GOLM1: variants seen among roughly 807,000 people sequenced by gnomAD.
GOLM1 encodes the protein epididymis luminal protein 46.
A neutral mutation model predicts 50.5 loss-of-function variants in GOLM1; 31 were observed. The observed-to-expected ratio is 0.61, with a 90% CI of 0.46 to 0.83. The LOEUF (loss-of-function observed/expected upper bound fraction) is 0.83, where lower values mean the gene tolerates loss of function less well. Ranked by LOEUF, GOLM1 falls within the 40% of genes least tolerant of loss-of-function variation. The pLI is 0.00. For missense variants in GOLM1, 491 were observed against 501.3 expected (o/e 0.98, Z 0.20); for synonymous variants, 178 against 192.8 (o/e 0.92, Z 0.64).
chr9:86,058,429 C>T (rs963871077), intron 3 of GOLM1, among the ~76,000 whole-genome samples: 2 of 152,124 alleles, frequency 1.3e-5, no homozygotes, highest in Non-Finnish European at 2.9e-5. Context: ...TAAAAAGGTG[C>T]CAGGCGCGGT....
intron 4 of GOLM1, among the ~76,000 whole-genome samples, chr9:86,047,735 G>A (rs1218508621): frequency 6.6e-6 from 1 of 152,108 alleles, no homozygotes; most frequent in Non-Finnish European, 1.5e-5. Flanking sequence ...AAGAGATAAC[G>A]GAATACAACT....
At chr9:86,089,416 T>C (rs1360826829) in intron 1 of GOLM1, among the ~76,000 whole-genome samples, 1 of 152,190 alleles carries the variant, frequency 6.6e-6, no homozygotes, top group Non-Finnish European at 1.5e-5. Context: ...TTTGGTCTTT[T>C]CACATAGTTC....
At chr9:86,058,504 T>C (rs1834054998) in intron 3 of GOLM1, among the ~76,000 whole-genome samples, 1 of 151,536 alleles carries the variant, frequency 6.6e-6, no homozygotes, top group African/African-American at 2.4e-5. Context: ...AGGTCAGAAC[T>C]GGCCAACACA....
Position 86,037,586 on chromosome 9 carries a change from A to G in GOLM1, c.598-1079T>C, listed in dbSNP as rs541587299. On this transcript the variant is annotated intron_variant, in intron 6 of 9. Coordinates refer to ENST00000388712, the MANE Select transcript of GOLM1 (RefSeq NM_016548.4). ...GAAGACTTCCAGTTTTCTGTTCCTC[A>G]CGTGAGAAGCTTAAAAGTCACCACT... is the stretch of plus-strand genomic sequence containing the variant. 1.1e-4 allele frequency among the ~76,000 whole-genome samples: 17 copies of G among 152,292 alleles called. No homozygotes were observed. In the East Asian group the frequency reaches 3.1e-3, roughly 28 times the overall value.
At chr9:86,053,662 T>TCCATACCAAA (rs1833882421) in intron 3 of GOLM1, among the ~76,000 whole-genome samples, 2 of 2,492 alleles carry the variant, frequency 8.0e-4, no homozygotes, top group African/African-American at 2.8e-3. Context: ...GCTACACCAC[T>TCCATACCAAA]CCACACACGG....
At chr9:86,045,671 C>CAAA (rs1347505540) in intron 5 of GOLM1, among the ~76,000 whole-genome samples, 7 of 121,740 alleles carry the variant, frequency 5.7e-5, no homozygotes, top group African/African-American at 2.4e-4. Context: ...AGACTCCGCT[C>CAAA]AAGAAAAAAA....
chr9:86,038,148 C>CT (rs1833209430), intron 6 of GOLM1, among the ~76,000 whole-genome samples: 1 of 149,864 alleles, frequency 6.7e-6, no homozygotes, highest in South Asian at 2.1e-4. Flanking sequence ...AAGCAAAACT[C>CT]CAACACCAAA....
rs1295415141 is a variant in GOLM1 at position 86,040,660 on chromosome 9, C to T, written c.597+79G>A. 3.6e-5 allele frequency: 49 copies of T among 1,370,164 alleles called. No individual in the cohort carries two copies. In the East Asian group the frequency reaches 1.1e-3, roughly 29 times the overall value. The allele number at this position is 1,370,164 out of a possible 1,614,324, so 84.9% of individuals were successfully genotyped here. A position where few individuals can be genotyped will look rare whatever the true frequency, so the allele number is the denominator to read the frequency against. Reference sequence around the variant, plus strand: ...AAGGAGGGCAGAATCCAGAGAAAGCCAGGCGGCACATAAAAGAAACAAAAT... The same window carrying T: ...AAGGAGGGCAGAATCCAGAGAAAGCTAGGCGGCACATAAAAGAAACAAAAT... On this transcript the variant is annotated intron_variant, in intron 6 of 9. Coordinates refer to ENST00000388712, the MANE Select transcript of GOLM1 (RefSeq NM_016548.4).
At position 86,026,483 on chromosome 9, in the gene GOLM1, T is replaced by C; in HGVS notation, c.*1334A>G. The C allele has an allele frequency of 3.2e-6, 3 of 926,050 alleles. No homozygotes were observed. The highest frequency in any genetic ancestry group is 3.9e-6 in the Non-Finnish European group (3 of 776,026). 57.4% of individuals were successfully genotyped at this position (926,050 alleles called of 1,614,324 possible). ...TCGGGAGTCTGTGTGAGGCCAGGGG[T>C]GCCAGCGCACCAGCTAGATGCTCTG... On this transcript the variant is annotated 3_prime_UTR_variant, in exon 10 of 10. Transcript: ENST00000388712.
intron 9 of GOLM1, among the ~76,000 whole-genome samples, chr9:86,030,777 T>A (rs1832951110): frequency 6.6e-6 from 1 of 152,264 alleles, no homozygotes; most frequent in Admixed American, 6.5e-5. Context: ...TTATATAAGA[T>A]GTTAACATTT....
chr9:86,052,714 G>A (rs1326187012), intron 3 of GOLM1, 123 bp from the exon 4 acceptor site: 10 of 759,078 alleles, frequency 1.3e-5, no homozygotes, highest in South Asian at 1.5e-5. Flanking sequence ...GAAGGAGCTC[G>A]CACTCAGCGC....
rs561751376 is a variant in GOLM1, at chr9:86,041,293, G to A, written c.468-425C>T. Among the ~76,000 whole-genome samples the A allele has an allele frequency of 1.5e-3, 224 of 152,266 alleles. 1 individual carries two copies. Among genetic ancestry groups the A allele is most frequent in the African/African-American group, 4.9e-3 (205 of 41,542 alleles). ...GGGGGTCTTGGAGGTGGGGAAGGATGGGCGTCAGATAGTTTCAGGACAGAG... is the reference window on the plus strand; with the variant it reads ...GGGGGTCTTGGAGGTGGGGAAGGATAGGCGTCAGATAGTTTCAGGACAGAG... On this transcript the variant is annotated intron_variant, in intron 5 of 9. Coordinates refer to ENST00000388712, the MANE Select transcript of GOLM1 (RefSeq NM_016548.4).
chr9:86,058,610 C>T (rs1197460336), intron 3 of GOLM1, among the ~76,000 whole-genome samples: 1 of 145,516 alleles, frequency 6.9e-6, no homozygotes, highest in African/African-American at 2.6e-5. Context: ...GCAGGGGAAT[C>T]ATTTGAACAT....
chr9:86,097,902 T>C (rs1178133207), intron 1 of GOLM1, among the ~76,000 whole-genome samples: 3 of 152,084 alleles, frequency 2.0e-5, no homozygotes, highest in African/African-American at 7.2e-5. Flanking sequence ...CAACAGCGGG[T>C]GGAATGTAAA....
Position 86,027,462 on chromosome 9 carries a change from C to T in GOLM1, c.*355G>A. The stretch of plus-strand genomic sequence containing the variant: ...CTGTCTCTCCTTCACAGCAGATGGA[C>T]TCTTCTATAGGTGGCTGTTAATTTA... On this transcript the variant is annotated 3_prime_UTR_variant, in exon 10 of 10. Transcript: ENST00000388712. 9.5e-7 allele frequency: 1 copy of T among 1,047,370 alleles called. No homozygotes were observed. The highest frequency in any genetic ancestry group is 1.1e-6 in the Non-Finnish European group (1 of 870,012). 64.9% of individuals were successfully genotyped at this position (1,047,370 alleles called of 1,614,324 possible).
intron 7 of GOLM1, among the ~76,000 whole-genome samples, 183 bp downstream of exon 7, chr9:86,036,165 C>A (rs533741555): frequency 1.3e-3 from 200 of 152,162 alleles, no homozygotes; most frequent in African/African-American, 4.4e-3. Context: ...ACTTCGTTTA[C>A]AAGGAGGAGA....
intron 3 of GOLM1, among the ~76,000 whole-genome samples, chr9:86,068,740 T>G (rs187194046): frequency 1.2e-3 from 183 of 152,366 alleles, no homozygotes; most frequent in African/African-American, 4.1e-3. Context: ...TAACCTGATA[T>G]GCAGTAACAG....
chr9:86,045,693 T>TACAC (rs1215301702), intron 5 of GOLM1, among the ~76,000 whole-genome samples: 2 of 148,160 alleles, frequency 1.3e-5, no homozygotes, highest in South Asian at 2.1e-4. Context: ...AAAAAAAGTA[T>TACAC]ATACACACAC....
At chr9:86,068,354 C>T (rs1445401667) in intron 3 of GOLM1, among the ~76,000 whole-genome samples, 2 of 152,212 alleles carry the variant, frequency 1.3e-5, no homozygotes, top group Non-Finnish European at 2.9e-5. Flanking sequence ...GCTATCTAGT[C>T]TGTATTAATT....
Sources: gnomAD v4.1 joint callset for allele counts (sites outside exome capture counted in the v4.1 genomes callset) on GRCh38, gnomAD v4.1.1 for gene constraint, MANE v1.5 for transcripts, NCBI Gene and HGNC (gene_info 2026-07-23, HGNC 2026-07-21) for gene names.